KCNC4: variants seen among roughly 807,000 people sequenced by gnomAD.
KCNC4 encodes the protein voltage-gated potassium channel KCNC4.
A neutral mutation model predicts 42.8 loss-of-function variants in KCNC4; 23 were observed. The ratio of observed to expected loss-of-function variants is 0.54; its 90% CI spans 0.39 to 0.76. KCNC4 has a LOEUF of 0.76. KCNC4 is among the 30% of genes least tolerant of loss of function. KCNC4 has a pLI of 0.00. For synonymous variants in KCNC4, 422 were observed against 393.5 expected, an observed-to-expected ratio of 1.07 and a Z score of -0.86; for missense variants, 751 against 898.2, an observed-to-expected ratio of 0.84 and a Z score of 2.10.
At chr1:110,232,450 T>C in intron 3 of KCNC4, 1 of 1,467,298 alleles carries the variant, frequency 6.8e-7, no homozygotes, top group African/African-American at 1.4e-5. Flanking sequence ...ACAGCTGGGG[T>C]GATGGCCTGT....
intron 1 of KCNC4, among the ~76,000 whole-genome samples, chr1:110,263,211 G>A (rs1659483299): frequency 6.6e-6 from 1 of 152,208 alleles, no homozygotes; most frequent in Non-Finnish European, 1.5e-5. Flanking sequence ...CCAGGAAACT[G>A]AGGGCTGGAT....
At chr1:110,226,321 TGG>T in intron 3 of KCNC4, 143 bp downstream of exon 3, 1 of 690,300 alleles carries the variant, frequency 1.4e-6, no homozygotes, top group South Asian at 1.6e-5. Flanking sequence ...ACTTTTAGAA[TGG>T]GTACCTGATC....
In KCNC4 at chr1:110,223,320, C is replaced by T; in HGVS notation, c.1035C>T (p.Phe345=). 6.2e-7 allele frequency: 1 copy of T among 1,614,096 alleles called. No homozygotes were observed. The highest frequency in any genetic ancestry group is 8.5e-7 in the Non-Finnish European group (1 of 1,180,008). ...SSKAARDVLG[F]LRVVRFVRIL... is the part of the protein sequence containing the mutation. Reference sequence around the variant, plus strand: ...AGGCGGCCCGCGACGTGCTGGGCTTCCTGCGCGTGGTGCGCTTCGTGCGCA... The same window carrying T: ...AGGCGGCCCGCGACGTGCTGGGCTTTCTGCGCGTGGTGCGCTTCGTGCGCA... Residue 345 remains phenylalanine, a synonymous_variant, in exon 2 of 4, where the codon TTC becomes TTT. Transcript: ENST00000438661. The surrounding 1 kb of genome is among the most constrained non-coding windows in gnomAD (Gnocchi z 7.5).
downstream of KCNC4, among the ~76,000 whole-genome samples, chr1:110,253,548 G>A (rs539941569): frequency 6.6e-6 from 1 of 152,340 alleles, no homozygotes; most frequent in Admixed American, 6.5e-5. Context: ...AACAGTGTGA[G>A]GTGGTGTCCA....
chr1:110,277,778 G>A (rs1659750722), intron 1 of KCNC4, among the ~76,000 whole-genome samples: 1 of 152,204 alleles, frequency 6.6e-6, no homozygotes, highest in Non-Finnish European at 1.5e-5. Flanking sequence ...TGCAAAAGTT[G>A]TATGATCTCA....
At chr1:110,230,709 C>T (rs575507159) in intron 3 of KCNC4, among the ~76,000 whole-genome samples, 6 of 152,358 alleles carry the variant, frequency 3.9e-5, no homozygotes, top group Admixed American at 3.3e-4. Context: ...ACACATCCCT[C>T]CTGGCTCTCT....
At chr1:110,228,282 T>C (rs1658511596) in intron 3 of KCNC4, among the ~76,000 whole-genome samples, 1 of 152,114 alleles carries the variant, frequency 6.6e-6, no homozygotes, top group Admixed American at 6.5e-5. Flanking sequence ...CTGGAGGCTG[T>C]GGGGTCTTTG....
chr1:110,210,679 C>G lies in KCNC4; in HGVS notation c.-821C>G, dbSNP rs911467462. Among the ~76,000 whole-genome samples, 6 of 151,170 alleles carry G rather than the reference C, an allele frequency of 4.0e-5. No homozygotes were observed. The highest frequency in any genetic ancestry group is 1.5e-4 in the African/African-American group (6 of 41,296). On this transcript the variant is annotated 5_prime_UTR_variant, in exon 1 of 4. Coordinates refer to ENST00000438661, the MANE Select transcript of KCNC4 (RefSeq NM_001039574.3). ...AGGCTCGGCGCCGCGCAGGACGCCC[C>G]GTCTGAGGCACCCCCGCCCCAGCGC...
chr1:110,268,885 C>A (rs1487484958), intron 1 of KCNC4, among the ~76,000 whole-genome samples: 1 of 151,746 alleles, frequency 6.6e-6, no homozygotes, highest in African/African-American at 2.4e-5. Flanking sequence ...CCCGCCACCA[C>A]GCCCGGCTAA....
chr1:110,249,535 A>T (rs1335176745), downstream of KCNC4, among the ~76,000 whole-genome samples: 1 of 152,114 alleles, frequency 6.6e-6, no homozygotes, highest in Admixed American at 6.5e-5. Context: ...TGAGTCTGAT[A>T]TATAGACTCC....
chr1:110,215,041 G>T (rs1657711439), intron 1 of KCNC4, among the ~76,000 whole-genome samples: 1 of 152,264 alleles, frequency 6.6e-6, no homozygotes, highest in Non-Finnish European at 1.5e-5. Context: ...CCGCAGCACT[G>T]TGGGGTGGTG....
intron 2 of KCNC4, chr1:110,224,161 TA>T (rs1295468349): frequency 1.5e-5 from 7 of 453,010 alleles, no homozygotes; most frequent in Non-Finnish European, 2.3e-5. Flanking sequence ...TGGGGCTGTA[TA>T]TTAGATGCCC....
chr1:110,219,718 G>A (rs905072399), intron 1 of KCNC4: 9 of 152,190 alleles, frequency 5.9e-5, no homozygotes, highest in Non-Finnish European at 1.3e-4. Flanking sequence ...CTAGTCAAGG[G>A]AGCTGTGTAT....
rs760333412 is a variant in KCNC4 at position 110,211,802 on chromosome 1, C to T, written c.303C>T (p.Gly101=). The change falls in exon 1 of 4, where the codon GGC becomes GGT. Residue 101 remains glycine (G), a synonymous_variant. Transcript: ENST00000438661. The surrounding 1 kb of genome is among the most constrained non-coding windows in gnomAD (Gnocchi z 6.5). ...AGTTCTTCTTCGACAGGCACCCGGG[C>T]GTCTTCGCCTACGTGCTCAACTACT... is the stretch of plus-strand genomic sequence containing the variant. ...GCEFFFDRHP[G]VFAYVLNYYR... 3 of 1,611,438 alleles carry T rather than the reference C, an allele frequency of 1.9e-6. No individual in the cohort carries two copies. The South Asian group carries it at 3.3e-5, about 18-fold the overall frequency.
chr1:110,280,514 C>T (rs3904623), intron 1 of KCNC4, among the ~76,000 whole-genome samples: 43,730 of 151,722 alleles, frequency 0.29, 6,679 homozygotes, highest in Admixed American at 0.42. Context: ...TACAACTCTG[C>T]GAAACCCCTG....
chr1:110,232,561 G>A, intron 3 of KCNC4: 1 of 1,435,226 alleles, frequency 7.0e-7, no homozygotes, highest in Non-Finnish European at 9.1e-7. Context: ...AGACCTAAGA[G>A]GCTAGTGGTT....
intron 3 of KCNC4, among the ~76,000 whole-genome samples, chr1:110,227,147 C>T (rs1658438335): frequency 6.6e-6 from 1 of 152,220 alleles, no homozygotes; most frequent in Non-Finnish European, 1.5e-5. Context: ...ACTTCTTAAC[C>T]AGCTGGATTT....
intron 1 of KCNC4, among the ~76,000 whole-genome samples, chr1:110,275,883 G>C (rs910018613): frequency 2.7e-5 from 4 of 147,956 alleles, no homozygotes; most frequent in Non-Finnish European, 5.9e-5. Context: ...ACTTGGACCC[G>C]GGAGGTGGAG....
Position 110,254,667 on chromosome 1 carries a change from G to T in KCNC4, n.31-27867G>T, listed in dbSNP as rs1039397161. 3.9e-5 allele frequency among the ~76,000 whole-genome samples: 6 copies of T among 152,220 alleles called. No individual in the cohort carries two copies. The East Asian group carries it at 1.2e-3, about 29-fold the overall frequency. ...ATTACGGGAACAAGGAGATGAGTTG[G>T]GGGGAGGACTGTCTGTAGATCCTGC... On this transcript the variant is annotated intron_variant and non_coding_transcript_variant, in intron 1 of 2. Coordinates refer to the KCNC4 transcript ENST00000412512.
Sources: allele counts gnomAD v4.1 joint callset (sites outside exome capture counted in the v4.1 genomes callset), GRCh38; gene constraint gnomAD v4.1.1; non-coding constraint Gnocchi (gnomAD v3.1); transcripts MANE v1.5; gene names NCBI Gene and HGNC (gene_info 2026-07-23, HGNC 2026-07-21).